ZC3H11A: variants seen among roughly 807,000 people sequenced by gnomAD.
ZC3H11A encodes the protein zinc finger CCCH-type containing 11A.
A neutral mutation model predicts 90.8 loss-of-function variants in ZC3H11A; 22 were observed. That is an observed-to-expected ratio of 0.24 (90% CI 0.17 to 0.35). The LOEUF (loss-of-function observed/expected upper bound fraction) is 0.35, where lower values mean the gene tolerates loss of function less well. ZC3H11A is among the 10% of genes least tolerant of loss of function. The pLI is 1.00. For synonymous variants in ZC3H11A, 294 were observed against 339.8 expected (o/e 0.87, Z 1.48); for missense variants, 701 against 964.9 (o/e 0.73, Z 3.62).
intron 10 of ZC3H11A, among the ~76,000 whole-genome samples, chr1:203,836,977 A>G (rs1684546599): frequency 1.3e-5 from 2 of 152,170 alleles, no homozygotes; most frequent in African/African-American, 2.4e-5. Context: ...CTCATCCTGT[A>G]TGCATTTACT....
At chr1:203,841,051 T>C (rs1384525297) in intron 12 of ZC3H11A, among the ~76,000 whole-genome samples, 1 of 151,364 alleles carries the variant, frequency 6.6e-6, no homozygotes, top group East Asian at 1.9e-4. Context: ...AACAACGATA[T>C]GGAAAAATCA....
chr1:203,808,987 C>G (rs1231249743), intron 2 of ZC3H11A, among the ~76,000 whole-genome samples: 3 of 151,580 alleles, frequency 2.0e-5, no homozygotes, highest in Non-Finnish European at 2.9e-5. Flanking sequence ...TTCGCCACCA[C>G]GCCCAGCTAA....
chr1:203,799,000 C>T, intron 1 of ZC3H11A: 1 of 1,536,174 alleles, frequency 6.5e-7, no homozygotes. Context: ...GACCCATCCA[C>T]TGACTATTTT....
chr1:203,833,681 C>G, intron 9 of ZC3H11A, 110 bp from the exon 10 acceptor site: 1 of 528,920 alleles, frequency 1.9e-6, no homozygotes, highest in Non-Finnish European at 2.7e-6. Context: ...TTTCAAGAGA[C>G]TTTCTGGGTG....
At position 203,806,345 on chromosome 1, in the gene ZC3H11A, G is replaced by A. The variant is rs150330488; in HGVS notation, c.-146+3329G>A. 292 of 213,278 alleles carry A rather than the reference G, an allele frequency of 1.4e-3. 2 individuals are homozygous for A. The highest frequency in any genetic ancestry group is 6.5e-3 in the African/African-American group (273 of 41,926). 13.2% of individuals were successfully genotyped at this position (213,278 alleles called of 1,614,324 possible). ...GAGACGGAGTCTCGCTCTGTCACTA[G>A]GCTGGAGTTCAAGTGGCATAATCTT... On this transcript the variant is annotated intron_variant, in intron 2 of 17. Coordinates refer to ENST00000367210, the MANE Select transcript of ZC3H11A (RefSeq NM_001376342.1).
At chr1:203,820,482 G>GTGTGTGTGTGTGTGTGTGTGTGTGTGTA (rs1266406820) in intron 4 of ZC3H11A, among the ~76,000 whole-genome samples, 2 of 151,852 alleles carry the variant, frequency 1.3e-5, no homozygotes, top group Non-Finnish European at 2.9e-5. Context: ...GTGTGTGTGT[G>GTGTGTGTGTGTGTGTGTGTGTGTGTGTA]TATATTTTGA....
At chr1:203,849,094 A>G (rs570466495) in intron 14 of ZC3H11A, among the ~76,000 whole-genome samples, 1 of 152,218 alleles carries the variant, frequency 6.6e-6, no homozygotes, top group Non-Finnish European at 1.5e-5. Flanking sequence ...CATGTTGTCC[A>G]GAGTGGTCTC....
chr1:203,805,765 A>G (rs1442710521), intron 2 of ZC3H11A: 1 of 683,358 alleles, frequency 1.5e-6, no homozygotes, highest in Non-Finnish European at 2.8e-6. Flanking sequence ...CTCATCACCC[A>G]GTGTATCCAA....
intron 2 of ZC3H11A, among the ~76,000 whole-genome samples, chr1:203,804,366 A>T (rs1671525807): frequency 1.3e-5 from 2 of 151,706 alleles, no homozygotes; most frequent in African/African-American, 4.8e-5. Context: ...GTTAGACAGG[A>T]TGGTCTCCAT....
intron 1 of ZC3H11A, chr1:203,799,308 T>C: frequency 4.2e-6 from 3 of 712,344 alleles, no homozygotes; most frequent in African/African-American, 1.7e-5. Context: ...TCAGGACTTT[T>C]TCTGCGAGCA....
rs373591619 is a variant in ZC3H11A at position 203,806,830 on chromosome 1, C to CTTTTTTTTTTT, written c.-146+3821_-146+3831dup. Among the ~76,000 whole-genome samples, 4 of 117,854 alleles carry CTTTTTTTTTTT rather than the reference C, an allele frequency of 3.4e-5. 1 individual carries two copies. Among genetic ancestry groups the CTTTTTTTTTTT allele is most frequent in the Non-Finnish European group, 6.8e-5 (4 of 58,814 alleles). The allele number at this position is 117,854 out of a possible 152,430, so 77.3% of individuals were successfully genotyped here. ...TGAGTGGATATTGCACCTCAGGTTC[C>CTTTTTTTTTTT]TTTTTTTTTTTTTTTTTGCTATTTT... On this transcript the variant is annotated intron_variant, in intron 2 of 17. Transcript: ENST00000367210.
At chr1:203,816,119 G>A (rs1265551789) in intron 2 of ZC3H11A, among the ~76,000 whole-genome samples, 2 of 152,154 alleles carry the variant, frequency 1.3e-5, no homozygotes, top group Non-Finnish European at 2.9e-5. Context: ...TTCTCACCTA[G>A]TTATGATTAT....
In ZC3H11A at chr1:203,802,829, G is replaced by A. The variant is rs1375349049; in HGVS notation, c.-333G>A. On this transcript the variant is annotated 5_prime_UTR_variant, in exon 2 of 18. Transcript: ENST00000367210. Reference sequence around the variant, plus strand: ...AATGGACTTAATCTCCCAGTAGTTGGGAGATGTTTTAAAAACACATGCTGT... The same window carrying A: ...AATGGACTTAATCTCCCAGTAGTTGAGAGATGTTTTAAAAACACATGCTGT... 1 of 152,202 alleles carries A rather than the reference G, an allele frequency of 6.6e-6. No individual in the cohort carries two copies. Among genetic ancestry groups the A allele is most frequent in the Non-Finnish European group, 1.5e-5 (1 of 67,950 alleles). The allele number at this position is 152,202 out of a possible 1,614,324, so 9.4% of individuals were successfully genotyped here. A position where few individuals can be genotyped will look rare whatever the true frequency, so the allele number is the denominator to read the frequency against.
Position 203,815,211 on chromosome 1 carries a change from C to CTTTCTTT in ZC3H11A, c.-145-1712_-145-1711insCTTTTTT, listed in dbSNP as rs779729339. The stretch of plus-strand genomic sequence containing the variant: ...GTTATTTCATTATTTTCTTCCTTTT[C>CTTTCTTT]TTTTCTTTTTTTTTTTTTTTTGAGA... On this transcript the variant is annotated intron_variant, in intron 2 of 17. Coordinates refer to ENST00000367210, the MANE Select transcript of ZC3H11A (RefSeq NM_001376342.1). Among the ~76,000 whole-genome samples the CTTTCTTT allele has an allele frequency of 6.2e-3, 366 of 59,310 alleles. 20 individuals carry two copies. The highest frequency in any genetic ancestry group is 0.014 in the African/African-American group (303 of 20,908). The allele number at this position is 59,310 out of a possible 152,430, so 38.9% of individuals were successfully genotyped here. A position where few individuals can be genotyped will look rare whatever the true frequency, so the allele number is the denominator to read the frequency against.
chr1:203,801,372 T>G (rs1484260226), intron 1 of ZC3H11A: 1 of 152,170 alleles, frequency 6.6e-6, no homozygotes, highest in Non-Finnish European at 1.5e-5. Flanking sequence ...TAATGAAAAC[T>G]AAGCAGTCGG....
intron 2 of ZC3H11A, among the ~76,000 whole-genome samples, chr1:203,816,684 A>G (rs1676491669): frequency 2.0e-5 from 3 of 152,168 alleles, no homozygotes; most frequent in South Asian, 2.1e-4. Flanking sequence ...CTTATTTACA[A>G]TGCTGTAACT....
chr1:203,837,326 T>C (rs1684669605), intron 10 of ZC3H11A, among the ~76,000 whole-genome samples: 2 of 151,626 alleles, frequency 1.3e-5, no homozygotes, highest in African/African-American at 4.8e-5. Context: ...TACATGAAGA[T>C]TTTTCACATT....
At chr1:203,813,346 A>C (rs1291948873) in intron 2 of ZC3H11A, among the ~76,000 whole-genome samples, 2 of 152,112 alleles carry the variant, frequency 1.3e-5, no homozygotes, top group Non-Finnish European at 2.9e-5. Flanking sequence ...AGCTGGGATC[A>C]CAGGCATTCA....
At chr1:203,832,235 A>AT (rs1376985730) in intron 9 of ZC3H11A, among the ~76,000 whole-genome samples, 2 of 151,640 alleles carry the variant, frequency 1.3e-5, no homozygotes, top group East Asian at 3.9e-4. Flanking sequence ...ATTTTTTTGT[A>AT]TTTTTAGTAG....
Sources: allele counts gnomAD v4.1 joint callset (sites outside exome capture counted in the v4.1 genomes callset), GRCh38; gene constraint gnomAD v4.1.1; transcripts MANE v1.5; gene names NCBI Gene and HGNC (gene_info 2026-07-23, HGNC 2026-07-21).